The following NSUN3 variants were observed in gnomAD, a reference collection of about 807,000 sequenced individuals.
The protein encoded by NSUN3 is tRNA (cytosine(34)-C(5))-methyltransferase, mitochondrial.
Under a neutral mutation model 36.8 loss-of-function variants are expected in NSUN3, and 24 were observed. The observed-to-expected ratio is 0.65, with a 90% CI of 0.47 to 0.92. NSUN3 has a LOEUF of 0.92. Ranked by LOEUF, NSUN3 falls within the 40% of genes least tolerant of loss-of-function variation. The probability of loss-of-function intolerance (pLI) is 0.00; values close to 1 mark genes in which losing one functional copy is unlikely to be tolerated. For missense variants in NSUN3, 381 were observed against 392.8 expected (o/e 0.97, Z 0.25); for synonymous variants, 146 against 145.2 (o/e 1.01, Z -0.04).
At chr3:94,090,010 T>G (rs1450204254) in intron 3 of NSUN3, among the ~76,000 whole-genome samples, 1 of 152,132 alleles carries the variant, frequency 6.6e-6, no homozygotes, top group African/African-American at 2.4e-5. Flanking sequence ...GATCATAAAT[T>G]ATAGCTTATG....
intron 5 of NSUN3, among the ~76,000 whole-genome samples, chr3:94,119,420 G>A (rs537617172): frequency 3.9e-5 from 6 of 152,260 alleles, no homozygotes; most frequent in African/African-American, 1.4e-4. Context: ...TAAGAAAAAT[G>A]GCATTTATGG....
intron 3 of NSUN3, among the ~76,000 whole-genome samples, chr3:94,088,722 G>A (rs1316376818): frequency 6.6e-6 from 1 of 151,034 alleles, no homozygotes; most frequent in Non-Finnish European, 1.5e-5. Flanking sequence ...GCCTAGGCTG[G>A]GGTGCAGTGG....
At chr3:94,083,100 G>C (rs1192960603) in intron 2 of NSUN3, among the ~76,000 whole-genome samples, 4 of 149,958 alleles carry the variant, frequency 2.7e-5, no homozygotes, top group East Asian at 2.0e-4. Flanking sequence ...TTAAAGGCAG[G>C]CTGCCTTTTT....
At chr3:94,072,606 G>T (rs1439584515) in intron 2 of NSUN3, among the ~76,000 whole-genome samples, 1 of 152,106 alleles carries the variant, frequency 6.6e-6, no homozygotes, top group Non-Finnish European at 1.5e-5. Flanking sequence ...GGGAGGTTGG[G>T]GGCCGGGCAT....
At position 94,128,851 on chromosome 3, in the gene NSUN3, CAA is replaced by C. The variant is rs1380762823; in HGVS notation, c.*2364_*2365del. 6.6e-6 allele frequency among the ~76,000 whole-genome samples: 1 copy of C among 152,056 alleles called. No individual in the cohort carries two copies. Reference sequence around the variant, plus strand: ...GCAAAGGACATGAACAGACATTTCTCAAAAGAAGACATTCACATGGCCAACAA... The same window carrying C: ...GCAAAGGACATGAACAGACATTTCTCAAGAAGACATTCACATGGCCAACAA... On this transcript the variant is annotated 3_prime_UTR_variant, in exon 6 of 6. Transcript: ENST00000314622.
intron 5 of NSUN3, among the ~76,000 whole-genome samples, chr3:94,121,462 T>TA (rs1262547176): frequency 7.9e-5 from 12 of 152,220 alleles, no homozygotes; most frequent in African/African-American, 2.9e-4. Context: ...TTTTCCCATG[T>TA]AAAATGGCTT....
intron 5 of NSUN3, among the ~76,000 whole-genome samples, chr3:94,097,968 T>C (rs1445472661): frequency 6.6e-6 from 1 of 152,108 alleles, no homozygotes; most frequent in Non-Finnish European, 1.5e-5. Flanking sequence ...GACCTACATA[T>C]TCAATTACCG....
At chr3:94,088,987 T>G (rs1345332242) in intron 3 of NSUN3, among the ~76,000 whole-genome samples, 1 of 152,200 alleles carries the variant, frequency 6.6e-6, no homozygotes, top group East Asian at 1.9e-4. Context: ...TATTTATCTT[T>G]GTGTCTGCAG....
Position 94,126,277 on chromosome 3 carries a change from A to T in NSUN3, c.810A>T (p.Ala270=). ...LVYSTCTLSK[A]ENQDVISEIL... Reference sequence around the variant, plus strand: ...ACTCTACATGCACGCTTTCCAAGGCAGAAAATCAAGATGTGATCAGTGAAA... The same window carrying T: ...ACTCTACATGCACGCTTTCCAAGGCTGAAAATCAAGATGTGATCAGTGAAA... The change falls in exon 6 of 6, where the codon GCA becomes GCT. Residue 270 remains alanine (A), a synonymous_variant. Coordinates refer to ENST00000314622, the MANE Select transcript of NSUN3 (RefSeq NM_022072.5). 6.2e-7 allele frequency: 1 copy of T among 1,614,190 alleles called. No individual in the cohort carries two copies. Among genetic ancestry groups the T allele is most frequent in the Non-Finnish European group, 8.5e-7 (1 of 1,180,008 alleles).
intron 2 of NSUN3, 138 bp from the exon 3 acceptor site, chr3:94,083,969 G>A (rs2077281656): frequency 4.6e-6 from 3 of 647,832 alleles, no homozygotes; most frequent in African/African-American, 1.8e-5. Flanking sequence ...GGAAGAGTCA[G>A]GAATACTGAT....
At position 94,115,435 on chromosome 3, in the gene NSUN3, A is replaced by G. The variant is rs556693932; in HGVS notation, c.744-10776A>G. On this transcript the variant is annotated intron_variant, in intron 5 of 5. Coordinates refer to ENST00000314622, the MANE Select transcript of NSUN3 (RefSeq NM_022072.5). ...TCTAATGGCGAAGGAAGGGACATGA[A>G]TAAAGATGAGGAATAAATATATTAA... is the stretch of plus-strand genomic sequence containing the variant. Among the ~76,000 whole-genome samples, 8 of 152,334 alleles carry G rather than the reference A, an allele frequency of 5.3e-5. No homozygotes were observed. In the South Asian group the frequency reaches 1.2e-3, roughly 24 times the overall value.
chr3:94,105,190 A>G lies in NSUN3; in HGVS notation c.743+10036A>G, dbSNP rs139039258. Among the ~76,000 whole-genome samples the G allele has an allele frequency of 3.3e-5, 5 of 152,240 alleles. 1 individual carries two copies. In the East Asian group the frequency reaches 9.7e-4, roughly 29 times the overall value. ...CTTTGTCACTTGAGCATTCTTAGTT[A>G]TCTCTTGGTGCTCTGTGTTCTTTTT... On this transcript the variant is annotated intron_variant, in intron 5 of 5. Coordinates refer to ENST00000314622, the MANE Select transcript of NSUN3 (RefSeq NM_022072.5).
chr3:94,110,735 TACACACACACACACACAC>T lies in NSUN3; in HGVS notation c.744-15461_744-15444del, dbSNP rs145414941. Among the ~76,000 whole-genome samples, 18 of 143,148 alleles carry T rather than the reference TACACACACACACACACAC, an allele frequency of 1.3e-4. No individual in the cohort carries two copies. The East Asian group carries it at 3.7e-3, about 30-fold the overall frequency. 93.9% of individuals were successfully genotyped at this position (143,148 alleles called of 152,430 possible). On this transcript the variant is annotated intron_variant, in intron 5 of 5. Transcript: ENST00000314622. ...GAAAAAGAGTGGAGATATACATGTA[TACACACACACACACACAC>T]ACACACACACACACGCATATATATA...
intron 5 of NSUN3, among the ~76,000 whole-genome samples, chr3:94,121,302 A>G (rs573905344): frequency 6.6e-6 from 1 of 152,210 alleles, no homozygotes; most frequent in Admixed American, 6.5e-5. Flanking sequence ...TGTCAGTTCA[A>G]CCCAGGCTTC....
chr3:94,093,200 A>G (rs923596497), intron 3 of NSUN3, among the ~76,000 whole-genome samples: 2 of 151,720 alleles, frequency 1.3e-5, no homozygotes, highest in African/African-American at 4.9e-5. Context: ...GAAGTCACTA[A>G]AAGTTTTTTT....
At chr3:94,072,443 T>G (rs1054302313) in intron 2 of NSUN3, among the ~76,000 whole-genome samples, 1 of 152,124 alleles carries the variant, frequency 6.6e-6, no homozygotes, top group African/African-American at 2.4e-5. Flanking sequence ...ACATGCAAAA[T>G]GAACATTGTA....
In NSUN3 at chr3:94,116,096, G is replaced by A. The variant is rs367906707; in HGVS notation, c.744-10115G>A. 1.6e-4 allele frequency among the ~76,000 whole-genome samples: 25 copies of A among 152,224 alleles called. No individual in the cohort carries two copies. The South Asian group carries it at 5.0e-3, about 30-fold the overall frequency. On this transcript the variant is annotated intron_variant, in intron 5 of 5. Transcript: ENST00000314622. Reference sequence around the variant, plus strand: ...ACATGTTTTTCTTTAAGGTATTTAAGTCAAGTAATAATTTTTCTTTTATTT... The same window carrying A: ...ACATGTTTTTCTTTAAGGTATTTAAATCAAGTAATAATTTTTCTTTTATTT...
chr3:94,070,782 G>A (rs1323063950), intron 2 of NSUN3, among the ~76,000 whole-genome samples: 2 of 152,140 alleles, frequency 1.3e-5, no homozygotes, highest in African/African-American at 4.8e-5. Flanking sequence ...AGAAACTATT[G>A]GAGTGTCAGT....
At chr3:94,106,337 C>T (rs919704260) in intron 5 of NSUN3, among the ~76,000 whole-genome samples, 5 of 151,952 alleles carry the variant, frequency 3.3e-5, no homozygotes, top group African/African-American at 9.7e-5. Context: ...AAAGAATAGC[C>T]GCTGGGTATG....
Sources: gnomAD v4.1 joint callset for allele counts (sites outside exome capture counted in the v4.1 genomes callset) on GRCh38, gnomAD v4.1.1 for gene constraint, MANE v1.5 for transcripts, NCBI Gene and HGNC (gene_info 2026-07-23, HGNC 2026-07-21) for gene names.